CTTNBP2NL: variants seen among roughly 807,000 people sequenced by gnomAD.
CTTNBP2NL encodes the protein CTTNBP2 N-terminal-like protein.
In CTTNBP2NL, 16 loss-of-function variants were observed where a neutral mutation model predicts 32.5. The ratio of observed to expected loss-of-function variants is 0.49; its 90% CI spans 0.33 to 0.75. The LOEUF (loss-of-function observed/expected upper bound fraction) is 0.75, where lower values mean the gene tolerates loss of function less well. Ranked by LOEUF, CTTNBP2NL falls within the 30% of genes least tolerant of loss-of-function variation. The pLI is 0.02. For missense variants in CTTNBP2NL, 645 were observed against 756.0 expected, an observed-to-expected ratio of 0.85 and a Z score of 1.72; for synonymous variants, 298 against 289.4, an observed-to-expected ratio of 1.03 and a Z score of -0.30.
chr1:112,431,365 G>T (rs1014826042), intron 3 of CTTNBP2NL, among the ~76,000 whole-genome samples: 1 of 152,212 alleles, frequency 6.6e-6, no homozygotes, highest in South Asian at 2.1e-4. Flanking sequence ...CAAAGAGGTT[G>T]CTTCTAAAAC....
intron 3 of CTTNBP2NL, among the ~76,000 whole-genome samples, chr1:112,422,417 A>T (rs904828092): frequency 1.3e-5 from 2 of 152,158 alleles, no homozygotes; most frequent in Admixed American, 1.3e-4. Flanking sequence ...TATTGTTTCT[A>T]ATTTGGGACT....
chr1:112,439,226 T>C (rs1309606967), intron 3 of CTTNBP2NL, among the ~76,000 whole-genome samples: 2 of 152,104 alleles, frequency 1.3e-5, no homozygotes, highest in African/African-American at 4.8e-5. Context: ...AAAGTATTAC[T>C]GTCCCCTTTT....
At chr1:112,435,151 A>AC (rs1323401819) in intron 3 of CTTNBP2NL, among the ~76,000 whole-genome samples, 18 of 151,136 alleles carry the variant, frequency 1.2e-4, no homozygotes, top group Admixed American at 8.6e-4. Context: ...TCAAAAAAAA[A>AC]AAAAAAAAAA....
At position 112,416,276 on chromosome 1, in the gene CTTNBP2NL, GAAA is replaced by G; in HGVS notation, c.99+21_99+23del. ...TAGAAGCCTTAAAGGTATGTTAAAA[GAAA>G]AAAAAAAAGAGGTCATCATACATTG... On this transcript the variant is annotated intron_variant, in intron 3 of 5. Coordinates refer to ENST00000271277, the MANE Select transcript of CTTNBP2NL (RefSeq NM_018704.3). The G allele has an allele frequency of 9.9e-7, 1 of 1,009,516 alleles. No individual in the cohort carries two copies. Among genetic ancestry groups the G allele is most frequent in the Admixed American group, 2.9e-5 (1 of 34,384 alleles). 62.5% of individuals were successfully genotyped at this position (1,009,516 alleles called of 1,614,324 possible). A position where few individuals can be genotyped will look rare whatever the true frequency, so the allele number is the denominator to read the frequency against.
intron 1 of CTTNBP2NL, among the ~76,000 whole-genome samples, chr1:112,403,565 A>G (rs1284605944): frequency 6.6e-6 from 1 of 152,250 alleles, no homozygotes; most frequent in Non-Finnish European, 1.5e-5. Flanking sequence ...ATGTAGATAC[A>G]TATCCATTAT....
intron 2 of CTTNBP2NL, among the ~76,000 whole-genome samples, chr1:112,413,107 A>G (rs1160743747): frequency 6.6e-6 from 1 of 152,210 alleles, no homozygotes; most frequent in African/African-American, 2.4e-5. Context: ...TTACTCTTTT[A>G]TAAGGATGTA....
chr1:112,413,780 G>A (rs1448031421), intron 2 of CTTNBP2NL, among the ~76,000 whole-genome samples: 1 of 152,148 alleles, frequency 6.6e-6, no homozygotes, highest in African/African-American at 2.4e-5. Flanking sequence ...GGGCGTGGTG[G>A]CTCACACCTT....
intron 1 of CTTNBP2NL, among the ~76,000 whole-genome samples, chr1:112,396,901 T>G (rs976218433): frequency 6.6e-6 from 1 of 152,190 alleles, no homozygotes; most frequent in Non-Finnish European, 1.5e-5. Flanking sequence ...TCTCCTGTTT[T>G]GGGACTGTTT....
chr1:112,434,837 C>A (rs1207237727), intron 3 of CTTNBP2NL, among the ~76,000 whole-genome samples: 1 of 152,028 alleles, frequency 6.6e-6, no homozygotes, highest in African/African-American at 2.4e-5. Context: ...ACACATAGAA[C>A]CCTTCACATA....
chr1:112,396,245 G>C lies in CTTNBP2NL; in HGVS notation c.-161G>C, dbSNP rs1648322597. The C allele has an allele frequency of 6.6e-6, 1 of 152,436 alleles. No homozygotes were observed. Among genetic ancestry groups the C allele is most frequent in the Admixed American group, 6.5e-5 (1 of 15,288 alleles). 9.4% of individuals were successfully genotyped at this position (152,436 alleles called of 1,614,324 possible). ...TGTGGATGGGGAGTGGAGGCGGAGG[G>C]GAGCGGAGCCCGGAGCGTCGTGGAA... On this transcript the variant is annotated 5_prime_UTR_variant, in exon 1 of 6. Coordinates refer to ENST00000271277, the MANE Select transcript of CTTNBP2NL (RefSeq NM_018704.3).
chr1:112,422,725 G>C (rs1420512829), intron 3 of CTTNBP2NL, among the ~76,000 whole-genome samples: 2 of 152,138 alleles, frequency 1.3e-5, no homozygotes, highest in African/African-American at 4.8e-5. Context: ...ATTGTTGGCT[G>C]ATGTTAAGTA....
intron 3 of CTTNBP2NL, among the ~76,000 whole-genome samples, chr1:112,435,379 T>G (rs1649701880): frequency 1.3e-5 from 2 of 152,136 alleles, no homozygotes; most frequent in Admixed American, 6.5e-5. Flanking sequence ...TTAATCTTAT[T>G]TACCACTATA....
intron 1 of CTTNBP2NL, among the ~76,000 whole-genome samples, chr1:112,404,280 A>T (rs1648592661): frequency 6.6e-6 from 1 of 152,168 alleles, no homozygotes; most frequent in South Asian, 2.1e-4. Context: ...CAATTGTTAA[A>T]TTTTTTTTAA....
At chr1:112,440,964 G>T (rs1417184822) in intron 3 of CTTNBP2NL, among the ~76,000 whole-genome samples, 2 of 152,114 alleles carry the variant, frequency 1.3e-5, no homozygotes, top group Admixed American at 1.3e-4. Flanking sequence ...ATCTGTTTTG[G>T]AAATACTGTA....
chr1:112,453,877 A>G (rs1177745198), intron 4 of CTTNBP2NL, among the ~76,000 whole-genome samples: 2 of 152,172 alleles, frequency 1.3e-5, no homozygotes, highest in African/African-American at 2.4e-5. Context: ...TAAGGTCTCT[A>G]TATTTGAGCC....
intron 3 of CTTNBP2NL, among the ~76,000 whole-genome samples, chr1:112,437,171 G>T (rs1180549317): frequency 1.3e-5 from 2 of 152,164 alleles, no homozygotes; most frequent in Non-Finnish European, 2.9e-5. Flanking sequence ...GGGATTACTG[G>T]TAGTTCTGTT....
At position 112,457,105 on chromosome 1, in the gene CTTNBP2NL, A is replaced by C; in HGVS notation, c.1613A>C (p.Asn538Thr). Residue 538 changes from asparagine (N) to threonine (T), a missense_variant, in exon 6 of 6, where the codon AAC becomes ACC. By Grantham distance (65) the Asn-to-Thr change is moderately conservative (BLOSUM62 0). Coordinates refer to ENST00000271277, the MANE Select transcript of CTTNBP2NL (RefSeq NM_018704.3). ...GGCACAGACTATCGAAATCTAGCCA[A>C]CACTGCCAATCCAAGAGGTGACACA... Reference protein sequence around the residue: ...PFGTDYRNLANTANPRGDTSH... With the variant: ...PFGTDYRNLATTANPRGDTSH... 6.2e-7 allele frequency: 1 copy of C among 1,614,192 alleles called. No homozygotes were observed. Among genetic ancestry groups the C allele is most frequent in the South Asian group, 1.1e-5 (1 of 91,088 alleles).
Position 112,454,574 on chromosome 1 carries a change from A to G in CTTNBP2NL, c.438+18A>G. The G allele has an allele frequency of 1.3e-6, 2 of 1,519,184 alleles. No homozygotes were observed. Among genetic ancestry groups the G allele is most frequent in the Non-Finnish European group, 1.8e-6 (2 of 1,093,580 alleles). 94.1% of individuals were successfully genotyped at this position (1,519,184 alleles called of 1,614,324 possible). On this transcript the variant is annotated intron_variant, in intron 5 of 5. Transcript: ENST00000271277. Reference sequence around the variant, plus strand: ...CTCAACAGGTAATTAAGGTAGAGGGATTCACAGTAGCATTTGCCTGGAACA... The same window carrying G: ...CTCAACAGGTAATTAAGGTAGAGGGGTTCACAGTAGCATTTGCCTGGAACA...
At chr1:112,436,637 C>T (rs937415263) in intron 3 of CTTNBP2NL, among the ~76,000 whole-genome samples, 4 of 144,050 alleles carry the variant, frequency 2.8e-5, no homozygotes, top group Non-Finnish European at 6.0e-5. Context: ...AGCCACTGTG[C>T]CTGGCTCCCT....
Sources: gnomAD v4.1 joint callset for allele counts (sites outside exome capture counted in the v4.1 genomes callset) on GRCh38, gnomAD v4.1.1 for gene constraint, MANE v1.5 for transcripts, NCBI Gene and HGNC (gene_info 2026-07-23, HGNC 2026-07-21) for gene names.